RPS5: variants seen among roughly 807,000 people sequenced by gnomAD.
RPS5 encodes the protein small ribosomal subunit protein uS7.
Under a neutral mutation model 20.9 loss-of-function variants are expected in RPS5, and 2 were observed. The observed-to-expected ratio is 0.10, with a 90% CI of 0.04 to 0.30. RPS5 has a LOEUF of 0.30. Among genes scored for constraint, RPS5 ranks in the 10% least tolerant of loss-of-function variants. The pLI is 1.00. For synonymous variants in RPS5, 112 were observed against 105.8 expected (o/e 1.06, Z -0.36); for missense variants, 122 against 287.2 (o/e 0.42, Z 4.16).
chr19:58,393,906 CCCAGAATG>C (rs1269217332), intron 4 of RPS5: 7 of 183,902 alleles, frequency 3.8e-5, no homozygotes, highest in East Asian at 1.5e-4. Flanking sequence ...AGCATCTGTC[CCCAGAATG>C]CCAGAATGCC....
At chr19:58,387,781 G>A (rs961202552) in intron 1 of RPS5, 9 of 278,758 alleles carry the variant, frequency 3.2e-5, no homozygotes, top group Non-Finnish European at 6.3e-5. Context: ...GAGACGGAAC[G>A]TTGACTTGGG....
intron 4 of RPS5, chr19:58,393,865 T>G (rs1250479787): frequency 9.4e-6 from 2 of 211,722 alleles, no homozygotes; most frequent in Non-Finnish European, 1.9e-5. Context: ...GGAAGGAATT[T>G]ATATTCACAG....
chr19:58,389,032 A>G lies in RPS5; in HGVS notation c.108+787A>G, dbSNP rs73060256. Among the ~76,000 whole-genome samples the G allele has an allele frequency of 7.9e-3, 1,204 of 152,204 alleles. 7 individuals are homozygous for G. The highest frequency in any genetic ancestry group is 0.031 in the Middle Eastern group (9 of 294). ...TTCTTGCTTTGTATTAAGTTTTGCA[A>G]TTGGGAAGTGTGAGTTGTCCTACTT... On this transcript the variant is annotated intron_variant, in intron 2 of 5. Transcript: ENST00000196551.
intron 4 of RPS5, chr19:58,393,701 CT>C: frequency 1.7e-6 from 1 of 583,578 alleles, no homozygotes; most frequent in Non-Finnish European, 3.0e-6. Context: ...TCTTTCTTTC[CT>C]TTGGGTGTAT....
At chr19:58,387,912 T>C in intron 1 of RPS5, 1 of 561,996 alleles carries the variant, frequency 1.8e-6, no homozygotes, top group Non-Finnish European at 3.2e-6. Context: ...GACTGGTGGC[T>C]GCCAAGTCTT....
intron 3 of RPS5, 62 bp from the exon 4 acceptor site, chr19:58,393,297 T>C: frequency 1.2e-6 from 2 of 1,608,314 alleles, no homozygotes; most frequent in Middle Eastern, 1.7e-4. Flanking sequence ...TTGTTTTAGG[T>C]ATGAGGAAAG....
intron 2 of RPS5, among the ~76,000 whole-genome samples, chr19:58,389,403 C>T (rs2052349272): frequency 6.6e-6 from 1 of 151,928 alleles, no homozygotes; most frequent in Admixed American, 6.6e-5. Context: ...CTCCAACTAG[C>T]TGGGACCAAA....
Position 58,393,469 on chromosome 19 carries a change from C to G in RPS5, c.429C>G (p.Pro143=). 1.9e-6 allele frequency: 3 copies of G among 1,612,236 alleles called. No individual in the cohort carries two copies. Among genetic ancestry groups the G allele is most frequent in the Non-Finnish European group, 2.5e-6 (3 of 1,179,924 alleles). ...GACGACAGGCTGTGGATGTGTCCCC[C>G]CTGCGCCGTGTGAACCAGGTGAGCC... The part of the protein sequence containing the change: ...TVRRQAVDVS[P]LRRVNQAIWL... Residue 143 remains proline, a synonymous_variant, in exon 4 of 6, where the codon CCC becomes CCG. Coordinates refer to ENST00000196551, the MANE Select transcript of RPS5 (RefSeq NM_001009.4).
intron 2 of RPS5, among the ~76,000 whole-genome samples, chr19:58,392,174 T>A (rs1309566857): frequency 6.6e-6 from 1 of 151,250 alleles, no homozygotes; most frequent in Admixed American, 6.6e-5. Context: ...GTACAAAAAA[T>A]TTAGCTGGGC....
intron 4 of RPS5, chr19:58,393,806 T>C (rs1262984459): frequency 6.9e-6 from 2 of 291,188 alleles, no homozygotes; most frequent in East Asian, 6.3e-5. Flanking sequence ...CCCTGAACAC[T>C]GCAGGTGTCT....
Position 58,393,454 on chromosome 19 carries a change from T to C in RPS5, c.414T>C (p.Ala138=), listed in dbSNP as rs2052376803. 1 of 1,612,946 alleles carries C rather than the reference T, an allele frequency of 6.2e-7. No individual in the cohort carries two copies. Among genetic ancestry groups the C allele is most frequent in the African/African-American group, 1.3e-5 (1 of 75,042 alleles). Reference sequence around the variant, plus strand: ...GCGCCGGGACTGTGAGACGACAGGCTGTGGATGTGTCCCCCCTGCGCCGTG... The same window carrying C: ...GCGCCGGGACTGTGAGACGACAGGCCGTGGATGTGTCCCCCCTGCGCCGTG... The part of the protein sequence containing the change: ...IGRAGTVRRQ[A]VDVSPLRRVN... The change falls in exon 4 of 6, where the codon GCT becomes GCC. Residue 138 remains alanine, a synonymous_variant. Transcript: ENST00000196551.
chr19:58,390,770 C>T (rs927426821), intron 2 of RPS5, among the ~76,000 whole-genome samples: 13 of 152,158 alleles, frequency 8.5e-5, no homozygotes, highest in Non-Finnish European at 1.5e-4. Flanking sequence ...TTGGGCCAAA[C>T]CCTTCCTGGG....
rs188272134 is a variant in RPS5 at position 58,391,697 on chromosome 19, G to A, written c.109-1279G>A. On this transcript the variant is annotated intron_variant, in intron 2 of 5. Coordinates refer to ENST00000196551, the MANE Select transcript of RPS5 (RefSeq NM_001009.4). ...TCCCATCACTTTGGGAGGCTGAGGC[G>A]GACGGATCACCTGAGGTCAAGAGTT... is the stretch of plus-strand genomic sequence containing the variant. Among the ~76,000 whole-genome samples the A allele has an allele frequency of 5.3e-3, 797 of 151,570 alleles. 12 individuals carry two copies. Among genetic ancestry groups the A allele is most frequent in the African/African-American group, 0.019 (767 of 41,308 alleles).
chr19:58,389,837 A>G (rs2052351820), intron 2 of RPS5, among the ~76,000 whole-genome samples: 1 of 151,580 alleles, frequency 6.6e-6, no homozygotes, highest in Admixed American at 6.6e-5. Context: ...GGGTTTCACC[A>G]TGTTGGTTAG....
intron 4 of RPS5, 119 bp downstream of exon 4, chr19:58,393,606 C>T: frequency 1.5e-6 from 2 of 1,326,482 alleles, no homozygotes; most frequent in East Asian, 2.5e-5. Flanking sequence ...ATCACTTCCT[C>T]TAGGAAGCCT....
intron 2 of RPS5, chr19:58,388,577 A>G (rs973548002): frequency 2.9e-6 from 1 of 340,166 alleles, no homozygotes; most frequent in Non-Finnish European, 5.4e-6. Context: ...TCCTAAAGAG[A>G]TGTTTTTTTT....
chr19:58,394,269 GTC>G, intron 4 of RPS5: 1 of 550,260 alleles, frequency 1.8e-6, no homozygotes, highest in Non-Finnish European at 3.3e-6. Flanking sequence ...GTTGAGGCAG[GTC>G]TCAATCTCCT....
At chr19:58,388,021 T>A (rs2052337917) in intron 1 of RPS5, 116 bp from the exon 2 acceptor site, 1 of 675,348 alleles carries the variant, frequency 1.5e-6, no homozygotes, top group Admixed American at 2.5e-5. Context: ...CTTGGTCCTT[T>A]GCGACCCCCC....
chr19:58,389,998 G>T (rs891852116), intron 2 of RPS5, among the ~76,000 whole-genome samples: 1 of 150,912 alleles, frequency 6.6e-6, no homozygotes, highest in Non-Finnish European at 1.5e-5. Context: ...GGGTTCAAGC[G>T]ATTCTCCTGT....
Sources: gnomAD v4.1 joint callset for allele counts (sites outside exome capture counted in the v4.1 genomes callset) on GRCh38, gnomAD v4.1.1 for gene constraint, MANE v1.5 for transcripts, NCBI Gene and HGNC (gene_info 2026-07-23, HGNC 2026-07-21) for gene names.